CMTM4: variants seen among roughly 807,000 people sequenced by gnomAD.
The protein encoded by CMTM4 is CKLF like MARVEL transmembrane domain containing 4, also known as CKLF-like MARVEL transmembrane domain-containing protein 4.
A neutral mutation model predicts 19.0 loss-of-function variants in CMTM4; 8 were observed. That is an observed-to-expected ratio of 0.42 (90% CI 0.25 to 0.76). The LOEUF is 0.76. Ranked by LOEUF, CMTM4 falls within the 30% of genes least tolerant of loss-of-function variation. CMTM4 has a pLI of 0.27. For missense variants in CMTM4, 228 were observed against 290.2 expected (o/e 0.79, Z 1.56); for synonymous variants, 106 against 121.1 (o/e 0.88, Z 0.82).
At chr16:66,683,180 T>TATATATAC (rs1491498902) in intron 1 of CMTM4, among the ~76,000 whole-genome samples, 16 of 85,664 alleles carry the variant, frequency 1.9e-4, no homozygotes, top group Admixed American at 2.8e-4. Context: ...TATATACATA[T>TATATATAC]GTATATATAT....
rs1004695177 is a variant in CMTM4 at position 66,618,490 on chromosome 16, T to C, written c.*3568A>G. 4 of 985,342 alleles carry C rather than the reference T, an allele frequency of 4.1e-6. No individual in the cohort carries two copies. The highest frequency in any genetic ancestry group is 6.1e-5 in the Admixed American group (1 of 16,268). 61.0% of individuals were successfully genotyped at this position (985,342 alleles called of 1,614,324 possible). A position where few individuals can be genotyped will look rare whatever the true frequency, so the allele number is the denominator to read the frequency against. On this transcript the variant is annotated 3_prime_UTR_variant, in exon 4 of 4. Coordinates refer to ENST00000394106, the MANE Select transcript of CMTM4 (RefSeq NM_181521.3). ...CAGAAAATCTGGCACAGAAAGGGATTAGACCTCAGTCCACCTCTCAGAGCA... is the reference window on the plus strand; with the variant it reads ...CAGAAAATCTGGCACAGAAAGGGATCAGACCTCAGTCCACCTCTCAGAGCA...
downstream of CMTM4, among the ~76,000 whole-genome samples, chr16:66,614,257 C>T (rs952458801): frequency 2.6e-5 from 4 of 152,220 alleles, no homozygotes; most frequent in African/African-American, 9.6e-5. The surrounding 1 kb of genome is among the most constrained non-coding windows in gnomAD (Gnocchi z 4.9). Context: ...GACCCCTGCT[C>T]TAGTTCTCAC....
At chr16:66,682,383 C>CT (rs113106474) in intron 1 of CMTM4, among the ~76,000 whole-genome samples, 6,538 of 146,308 alleles carry the variant, frequency 0.045, 261 homozygotes, top group East Asian at 0.16. Flanking sequence ...GGTTGTTTTT[C>CT]TTTTTTTTTT....
chr16:66,610,778 C>G (rs1188259482), downstream of CMTM4: 7 of 398,580 alleles, frequency 1.8e-5, no homozygotes, highest in Non-Finnish European at 2.7e-5. The surrounding 1 kb of genome is among the most constrained non-coding windows in gnomAD (Gnocchi z 4.6). Flanking sequence ...CCTGCAGGCC[C>G]CACCCTGTGG....
the CMTM4 span, chr16:66,608,186 C>G: frequency 9.9e-7 from 1 of 1,013,366 alleles, no homozygotes; most frequent in Non-Finnish European, 1.5e-6. The surrounding 1 kb of genome is among the most constrained non-coding windows in gnomAD (Gnocchi z 5.1). Context: ...AGCTGCGGGA[C>G]TGTGAGCAGT....
At chr16:66,686,158 G>A (rs1038067205) in intron 1 of CMTM4, among the ~76,000 whole-genome samples, 1 of 151,948 alleles carries the variant, frequency 6.6e-6, no homozygotes, top group Non-Finnish European at 1.5e-5. Flanking sequence ...GGAGTCTGAG[G>A]CAGGAGAGTC....
the CMTM4 span, chr16:66,609,352 G>A: frequency 1.6e-6 from 2 of 1,245,410 alleles, no homozygotes; most frequent in African/African-American, 2.9e-5. This position sits in a 1 kb window ranked among gnomAD's most constrained non-coding sequence, Gnocchi z 4.4. Context: ...CCTGGGGCTG[G>A]GAACACGACC....
chr16:66,662,576 C>T (rs1173708024), intron 1 of CMTM4, among the ~76,000 whole-genome samples: 2 of 152,126 alleles, frequency 1.3e-5, no homozygotes, highest in Non-Finnish European at 2.9e-5. Context: ...GGCAATGCAG[C>T]AGCAGGAGGC....
intron 1 of CMTM4, among the ~76,000 whole-genome samples, chr16:66,672,364 C>G (rs1163961525): frequency 2.8e-5 from 4 of 144,784 alleles, no homozygotes; most frequent in African/African-American, 1.0e-4. Flanking sequence ...GAGATTGAGC[C>G]ACTGCACTCC....
chr16:66,696,540 C>T lies in CMTM4; in HGVS notation c.-15G>A. 1 of 1,178,806 alleles carries T rather than the reference C, an allele frequency of 8.5e-7. No homozygotes were observed. Among genetic ancestry groups the T allele is most frequent in the Middle Eastern group, 3.4e-4 (1 of 2,932 alleles). 73.0% of individuals were successfully genotyped at this position (1,178,806 alleles called of 1,614,324 possible). A position where few individuals can be genotyped will look rare whatever the true frequency, so the allele number is the denominator to read the frequency against. On this transcript the variant is annotated 5_prime_UTR_variant, in exon 1 of 4. Transcript: ENST00000394106. The surrounding 1 kb of genome is among the most constrained non-coding windows in gnomAD (Gnocchi z 4.3). ...CCGCTCCGCATGCTGCCGCCCGGCC[C>T]GGGCCGCCTCGCGCGGCTGGCTCCC...
At chr16:66,663,958 T>G (rs1045718807) in intron 1 of CMTM4, among the ~76,000 whole-genome samples, 3 of 152,144 alleles carry the variant, frequency 2.0e-5, no homozygotes, top group African/African-American at 7.2e-5. Context: ...ACAGGCCAGG[T>G]GCAGTGGCAC....
At chr16:66,668,174 T>A (rs2144874979) in intron 1 of CMTM4, among the ~76,000 whole-genome samples, 1 of 151,736 alleles carries the variant, frequency 6.6e-6, no homozygotes, top group South Asian at 2.1e-4. Context: ...TATTTTTTTT[T>A]TTTTTTTAAT....
chr16:66,615,720 A>T lies in CMTM4; in HGVS notation c.*6338T>A, dbSNP rs1466417212. On this transcript the variant is annotated 3_prime_UTR_variant, in exon 4 of 4. Coordinates refer to ENST00000394106, the MANE Select transcript of CMTM4 (RefSeq NM_181521.3). The surrounding 1 kb of genome is among the most constrained non-coding windows in gnomAD (Gnocchi z 4.9). ...CAGGCCAGAGAATACACTTGGGCTC[A>T]GTTCACCAGCCCAAACCACAGGGGA... 6.6e-6 allele frequency: 1 copy of T among 152,294 alleles called. No individual in the cohort carries two copies. The highest frequency in any genetic ancestry group is 1.5e-5 in the Non-Finnish European group (1 of 68,094). The allele number at this position is 152,294 out of a possible 1,614,324, so 9.4% of individuals were successfully genotyped here. A position where few individuals can be genotyped will look rare whatever the true frequency, so the allele number is the denominator to read the frequency against.
intron 1 of CMTM4, among the ~76,000 whole-genome samples, chr16:66,639,647 T>C (rs1290340558): frequency 1.3e-5 from 2 of 151,956 alleles, no homozygotes; most frequent in Non-Finnish European, 2.9e-5. Flanking sequence ...CTTCAGGAGG[T>C]TGAGGCGGGT....
Position 66,622,024 on chromosome 16 carries a change from C to T in CMTM4, c.*34G>A, listed in dbSNP as rs1376138854. On this transcript the variant is annotated 3_prime_UTR_variant, in exon 4 of 4. Transcript: ENST00000394106. The surrounding 1 kb of genome is among the most constrained non-coding windows in gnomAD (Gnocchi z 4.0). ...AGAAAACTTGACTGAGAGACAGGCA[C>T]GAGGACGGGAGGGAGGAGGATCCAG... 1.5e-5 allele frequency: 23 copies of T among 1,536,016 alleles called. No individual in the cohort carries two copies. Among genetic ancestry groups the T allele is most frequent in the East Asian group, 9.8e-5 (4 of 40,972 alleles).
In CMTM4 at chr16:66,627,248, T is replaced by C. The variant is rs542785636; in HGVS notation, c.364-3746A>G. On this transcript the variant is annotated intron_variant, in intron 2 of 3. Transcript: ENST00000394106. The stretch of plus-strand genomic sequence containing the variant: ...CATTAAAAATAATCACGTAGTTATA[T>C]ATTTAACATGTAAGGTACAATAATT... 1.1e-4 allele frequency among the ~76,000 whole-genome samples: 16 copies of C among 152,356 alleles called. 1 individual carries two copies. In the South Asian group the frequency reaches 3.3e-3, roughly 32 times the overall value.
chr16:66,662,409 A>G (rs2016514280), intron 1 of CMTM4, among the ~76,000 whole-genome samples: 1 of 152,256 alleles, frequency 6.6e-6, no homozygotes, highest in African/African-American at 2.4e-5. Context: ...TAGGGAGTCC[A>G]GGACAATCCT....
chr16:66,689,803 G>A (rs1387195455), intron 1 of CMTM4, among the ~76,000 whole-genome samples: 1 of 152,098 alleles, frequency 6.6e-6, no homozygotes, highest in Admixed American at 6.6e-5. Flanking sequence ...AATTGGTTTG[G>A]TGTATTATTC....
At chr16:66,687,395 GTGGCTCA>G (rs1464891137) in intron 1 of CMTM4, among the ~76,000 whole-genome samples, 1 of 152,160 alleles carries the variant, frequency 6.6e-6, no homozygotes, top group Non-Finnish European at 1.5e-5. Flanking sequence ...GCTGGGAGCA[GTGGCTCA>G]TGCCTGTAAA....
Sources: gnomAD v4.1 joint callset for allele counts (sites outside exome capture counted in the v4.1 genomes callset) on GRCh38, gnomAD v4.1.1 for gene constraint, Gnocchi (gnomAD v3.1) non-coding constraint, MANE v1.5 for transcripts, NCBI Gene and HGNC (gene_info 2026-07-23, HGNC 2026-07-21) for gene names.